The following RMDN2 variants were observed in gnomAD, a reference collection of about 807,000 sequenced individuals.
The protein encoded by RMDN2 is regulator of microtubule dynamics protein 2.
Under a neutral mutation model 52.8 loss-of-function variants are expected in RMDN2, and 61 were observed. The ratio of observed to expected loss-of-function variants is 1.16; its 90% confidence interval spans 0.94 to 1.43. The LOEUF is 1.43. Ranked by LOEUF, RMDN2 falls within the 40% of genes most tolerant of loss-of-function variation. The pLI is 0.00. For missense variants in RMDN2, 592 were observed against 475.3 expected, an observed-to-expected ratio of 1.25 and a Z score of -2.28; for synonymous variants, 180 against 153.1, an observed-to-expected ratio of 1.18 and a Z score of -1.30.
At chr2:37,938,865 T>A (rs1486682155) in intron 2 of RMDN2, among the ~76,000 whole-genome samples, 2 of 152,172 alleles carry the variant, frequency 1.3e-5, no homozygotes, top group Non-Finnish European at 2.9e-5. Context: ...ATTCACTGAT[T>A]TTTTGAAGAG....
At chr2:37,986,030 G>C (rs536310369) in intron 5 of RMDN2, among the ~76,000 whole-genome samples, 1 of 152,142 alleles carries the variant, frequency 6.6e-6, no homozygotes, top group Non-Finnish European at 1.5e-5. Context: ...TCTGTACTAT[G>C]AGAATTTTTT....
chr2:38,000,227 C>G (rs1676129490), intron 8 of RMDN2, among the ~76,000 whole-genome samples: 1 of 152,150 alleles, frequency 6.6e-6, no homozygotes, highest in Non-Finnish European at 1.5e-5. Flanking sequence ...GGCATGATTC[C>G]CTAGGGCAGT....
At chr2:38,063,912 G>T (rs1273525247) in intron 10 of RMDN2, among the ~76,000 whole-genome samples, 3 of 151,936 alleles carry the variant, frequency 2.0e-5, no homozygotes, top group African/African-American at 7.3e-5. Context: ...TCACTGTGCT[G>T]CATTTCTTAT....
At chr2:38,038,340 G>A (rs1680735017) in intron 10 of RMDN2, among the ~76,000 whole-genome samples, 2 of 152,130 alleles carry the variant, frequency 1.3e-5, no homozygotes, top group Admixed American at 1.3e-4. Context: ...TCTCTCCCTT[G>A]GGGTGTTTTT....
At chr2:38,067,081 T>A in exon 11 of RMDN2, 1 of 1,226,352 alleles carries the variant, frequency 8.2e-7, no homozygotes, top group East Asian at 2.3e-5. Flanking sequence ...CTAGGCCCTG[T>A]GAAGTCAAGT....
chr2:37,951,056 G>T (rs1215471293), intron 2 of RMDN2, among the ~76,000 whole-genome samples: 2 of 152,060 alleles, frequency 1.3e-5, no homozygotes, highest in Admixed American at 6.6e-5. Flanking sequence ...GGGTACATCT[G>T]TGTGACCATT....
chr2:38,056,916 C>A (rs891561459), intron 10 of RMDN2, among the ~76,000 whole-genome samples: 1 of 152,130 alleles, frequency 6.6e-6, no homozygotes, highest in African/African-American at 2.4e-5. Context: ...AAAATGCCTC[C>A]ACTTGCAATA....
chr2:37,945,826 A>C (rs1465532591), intron 2 of RMDN2, among the ~76,000 whole-genome samples: 1 of 152,080 alleles, frequency 6.6e-6, no homozygotes, highest in Non-Finnish European at 1.5e-5. Context: ...ACACTTTACC[A>C]CTCTGCTGCA....
intron 7 of RMDN2, among the ~76,000 whole-genome samples, chr2:37,991,695 A>G (rs1029619924): frequency 1.3e-5 from 2 of 152,136 alleles, no homozygotes; most frequent in Non-Finnish European, 2.9e-5. Flanking sequence ...TAGGTACACT[A>G]TTCACGGTTC....
At chr2:38,034,681 G>A (rs756060811) in intron 10 of RMDN2, among the ~76,000 whole-genome samples, 3 of 150,484 alleles carry the variant, frequency 2.0e-5, no homozygotes, top group South Asian at 2.1e-4. Flanking sequence ...TGCTTGAATC[G>A]GTTGTAAAAA....
chr2:37,995,363 CT>C (rs1312196116), intron 7 of RMDN2, among the ~76,000 whole-genome samples: 5 of 146,526 alleles, frequency 3.4e-5, no homozygotes, highest in African/African-American at 8.0e-5. Flanking sequence ...ACTACTACTA[CT>C]ACACACACAC....
chr2:37,992,284 C>T (rs555471196), intron 7 of RMDN2, among the ~76,000 whole-genome samples: 7 of 152,182 alleles, frequency 4.6e-5, no homozygotes, highest in South Asian at 4.2e-4. Flanking sequence ...GTGTTACGTA[C>T]GAAGAAAACT....
intron 10 of RMDN2, among the ~76,000 whole-genome samples, chr2:38,052,207 C>T (rs900641540): frequency 1.2e-4 from 18 of 152,108 alleles, no homozygotes; most frequent in African/African-American, 4.3e-4. Context: ...TGATAATAGA[C>T]ATTGTAACTG....
intron 7 of RMDN2, 38 bp downstream of exon 7, chr2:37,991,335 T>G: frequency 9.8e-7 from 1 of 1,022,140 alleles, no homozygotes; most frequent in Non-Finnish European, 1.4e-6. Flanking sequence ...TTTATTTGAA[T>G]ATACTATGAT....
Position 37,952,171 on chromosome 2 carries a change from G to A in RMDN2, c.453-21869G>A, listed in dbSNP as rs1322356857. On this transcript the variant is annotated intron_variant, in intron 2 of 10. Transcript: ENST00000354545. ...GCTGTCTTGTTTCAAGATGAAGACA[G>A]ATCTTCACCTATTGAAATTCCTAAA... 3 of 1,612,822 alleles carry A rather than the reference G, an allele frequency of 1.9e-6. No homozygotes were observed. The African/African-American group carries it at 4.0e-5, about 22-fold the overall frequency.
intron 8 of RMDN2, 133 bp downstream of exon 8, chr2:37,997,647 T>G: frequency 1.5e-6 from 1 of 649,732 alleles, no homozygotes. Flanking sequence ...TGTTCTGTTT[T>G]AAGCCCCTCA....
chr2:37,977,394 C>T (rs963728381), intron 4 of RMDN2, among the ~76,000 whole-genome samples: 7 of 152,290 alleles, frequency 4.6e-5, no homozygotes, highest in East Asian at 1.9e-4. Context: ...CAGAGGGGCT[C>T]CTCACTTCCC....
At chr2:38,020,850 C>T (rs1190698401), downstream of RMDN2, among the ~76,000 whole-genome samples, 1 of 152,170 alleles carries the variant, frequency 6.6e-6, no homozygotes, top group Non-Finnish European at 1.5e-5. Flanking sequence ...ACCCCCTGCT[C>T]CACGGTGCGC....
chr2:38,024,599 A>T (rs1260692203), intron 10 of RMDN2, among the ~76,000 whole-genome samples: 1 of 152,156 alleles, frequency 6.6e-6, no homozygotes, highest in Admixed American at 6.5e-5. Context: ...TATCTATTCA[A>T]ATATTTTGCC....
Sources: gnomAD v4.1 joint callset for allele counts (sites outside exome capture counted in the v4.1 genomes callset) on GRCh38, gnomAD v4.1.1 for gene constraint, MANE v1.5 for transcripts, NCBI Gene and HGNC (gene_info 2026-07-23, HGNC 2026-07-21) for gene names.